Variants in SLC12A8 observed in about 807,000 individuals in gnomAD.
SLC12A8 encodes solute carrier family 12 member 8.
In SLC12A8, 69 loss-of-function variants were observed where a neutral mutation model predicts 75.6. The observed-to-expected ratio is 0.91, with a 90% CI of 0.75 to 1.11. The LOEUF (loss-of-function observed/expected upper bound fraction) is 1.11. SLC12A8 is among the 50% of genes most tolerant of loss of function. The pLI is 0.00. For missense variants in SLC12A8, 877 were observed against 896.7 expected, an observed-to-expected ratio of 0.98 and a Z score of 0.28; for synonymous variants, 365 against 372.8, an observed-to-expected ratio of 0.98 and a Z score of 0.24.
chr3:125,186,495 T>C (rs1262095050), intron 4 of SLC12A8, among the ~76,000 whole-genome samples: 1 of 152,214 alleles, frequency 6.6e-6, no homozygotes, highest in Non-Finnish European at 1.5e-5. Context: ...TTCTTCTCTT[T>C]AAACTGTTTT....
intron 13 of SLC12A8, chr3:125,087,912 G>A (rs1938499991): frequency 5.8e-6 from 1 of 171,082 alleles, no homozygotes; most frequent in Admixed American, 5.8e-5. Context: ...CTCTGACTCA[G>A]ATGGAAGAAT....
chr3:125,147,946 G>A (rs1579505681), intron 5 of SLC12A8, among the ~76,000 whole-genome samples: 4 of 152,312 alleles, frequency 2.6e-5, no homozygotes, highest in Admixed American at 2.6e-4. Context: ...CTTTGTGCCA[G>A]GCATGACACT....
At chr3:125,088,613 A>C (rs1037588475) in intron 12 of SLC12A8, among the ~76,000 whole-genome samples, 4 of 152,190 alleles carry the variant, frequency 2.6e-5, no homozygotes, top group African/African-American at 9.7e-5. Flanking sequence ...AATCACTCCC[A>C]AAAAACTGGA....
At chr3:125,142,205 C>T (rs889083149) in intron 5 of SLC12A8, among the ~76,000 whole-genome samples, 2 of 152,202 alleles carry the variant, frequency 1.3e-5, no homozygotes, top group African/African-American at 4.8e-5. Context: ...TGTCCACGGG[C>T]CCCATCCTGC....
chr3:125,177,690 C>G, intron 5 of SLC12A8, 53 bp downstream of exon 5: 1 of 1,464,982 alleles, frequency 6.8e-7, no homozygotes, highest in Non-Finnish European at 9.5e-7. Context: ...CTACAAACAT[C>G]TCTAAAGCAG....
At chr3:125,102,835 C>T (rs758726150) in intron 10 of SLC12A8, among the ~76,000 whole-genome samples, 10 of 152,068 alleles carry the variant, frequency 6.6e-5, no homozygotes, top group African/African-American at 1.4e-4. Context: ...GAAAGGTGAC[C>T]GTAGTGACAG....
intron 5 of SLC12A8, among the ~76,000 whole-genome samples, chr3:125,164,513 G>C (rs966227352): frequency 3.9e-5 from 6 of 152,236 alleles, no homozygotes; most frequent in Admixed American, 3.9e-4. Context: ...CCTCAGCTGA[G>C]TGCAGGTCGA....
At chr3:125,137,945 TCACGCTCACACTCA>T (rs1390132073) in intron 5 of SLC12A8, among the ~76,000 whole-genome samples, 4 of 147,482 alleles carry the variant, frequency 2.7e-5, no homozygotes, top group African/African-American at 5.3e-5. Flanking sequence ...ACGCTCACAC[TCACGCTCACACTCA>T]CACGCTCACA....
chr3:125,135,354 A>G (rs558845387), intron 6 of SLC12A8, among the ~76,000 whole-genome samples: 3 of 152,298 alleles, frequency 2.0e-5, no homozygotes, highest in South Asian at 4.1e-4. Context: ...CTTTCTATGA[A>G]CAAAAGGTGT....
intron 5 of SLC12A8, among the ~76,000 whole-genome samples, chr3:125,163,586 G>T (rs1415382648): frequency 7.1e-6 from 1 of 140,460 alleles, no homozygotes; most frequent in Non-Finnish European, 1.5e-5. Flanking sequence ...GCAACAGAGC[G>T]AGACTCTGTC....
intron 12 of SLC12A8, among the ~76,000 whole-genome samples, 168 bp from the exon 13 acceptor site, chr3:125,088,538 T>C (rs922973596): frequency 2.6e-5 from 4 of 152,238 alleles, no homozygotes; most frequent in African/African-American, 9.6e-5. Flanking sequence ...TAATCTTCCA[T>C]GACAGCAGCC....
intron 6 of SLC12A8, chr3:125,125,834 C>T (rs1933190854): frequency 3.4e-6 from 2 of 587,870 alleles, no homozygotes; most frequent in Admixed American, 6.3e-5. Context: ...TAGATTTCCC[C>T]TTCTGAAATA....
Position 125,107,685 on chromosome 3 carries a change from G to C in SLC12A8, c.1501C>G (p.Leu501Val), listed in dbSNP as rs765801001. ...RKSKKATKQTLQDSFLLDLKS... is the reference protein window; with the variant it reads ...RKSKKATKQTVQDSFLLDLKS... ...AGGTCCAAGAGGAAGCTATCTTGTA[G>C]GGTCTGCTTGGTGGCCTTCTTGCTT... The change falls in exon 10 of 14, where the codon CTA becomes GTA. Residue 501 changes from leucine (L) to valine (V), a missense_variant. Physicochemically the swap from Leu to Val is conservative, Grantham distance 32. Transcript: ENST00000469902. 1.2e-6 allele frequency: 2 copies of C among 1,614,176 alleles called. No homozygotes were observed. The highest frequency in any genetic ancestry group is 8.5e-7 in the Non-Finnish European group (1 of 1,180,034).
At chr3:125,147,463 G>A (rs979841857) in intron 5 of SLC12A8, among the ~76,000 whole-genome samples, 1 of 152,202 alleles carries the variant, frequency 6.6e-6, no homozygotes, top group Non-Finnish European at 1.5e-5. Flanking sequence ...AAGCCGTTGT[G>A]TGCCTTTTCT....
At position 125,083,835 on chromosome 3, in the gene SLC12A8, C is replaced by A; in HGVS notation, c.*55G>T. On this transcript the variant is annotated 3_prime_UTR_variant, in exon 14 of 14. Coordinates refer to ENST00000469902, the MANE Select transcript of SLC12A8 (RefSeq NM_024628.6). ...GAAGCAGCTCCACGAAGGTCCTGAG[C>A]TTGGGTCCACTGTACATGGGACAGC... 6.4e-7 allele frequency: 1 copy of A among 1,555,434 alleles called. No individual in the cohort carries two copies. Among genetic ancestry groups the A allele is most frequent in the East Asian group, 2.4e-5 (1 of 42,302 alleles).
chr3:125,104,999 A>G (rs913863490), intron 10 of SLC12A8, among the ~76,000 whole-genome samples: 2 of 152,188 alleles, frequency 1.3e-5, no homozygotes, highest in African/African-American at 2.4e-5. Flanking sequence ...TATGAGCTAG[A>G]TGAAGTCACT....
chr3:125,155,509 C>T (rs6785677), intron 5 of SLC12A8, among the ~76,000 whole-genome samples: 46,443 of 151,690 alleles, frequency 0.31, 7,847 homozygotes, highest in East Asian at 0.69. Flanking sequence ...CGGTGGCTCA[C>T]GCCTGTAATC....
chr3:125,120,591 G>A lies in SLC12A8; in HGVS notation c.824+8C>T, dbSNP rs1269847409. ...TAGCTCAGACTGATTGCCATGAGGG[G>A]AACTTACGAGATGCCAACAGCTGCC... On this transcript the variant is annotated splice_region_variant and intron_variant, in intron 7 of 13. Coordinates refer to ENST00000469902, the MANE Select transcript of SLC12A8 (RefSeq NM_024628.6). 1 of 1,606,110 alleles carries A rather than the reference G, an allele frequency of 6.2e-7. No homozygotes were observed. Among genetic ancestry groups the A allele is most frequent in the African/African-American group, 1.3e-5 (1 of 74,888 alleles).
chr3:125,087,783 G>GT (rs568941246), intron 13 of SLC12A8, among the ~76,000 whole-genome samples: 3 of 152,050 alleles, frequency 2.0e-5, no homozygotes, highest in African/African-American at 7.2e-5. Context: ...TCTCAGGAAA[G>GT]TTTTTTTTCT....
Sources: allele counts gnomAD v4.1 joint callset (sites outside exome capture counted in the v4.1 genomes callset), GRCh38; gene constraint gnomAD v4.1.1; transcripts MANE v1.5; gene names NCBI Gene and HGNC (gene_info 2026-07-23, HGNC 2026-07-21).